The following ANO1 variants were observed in gnomAD, a reference collection of about 807,000 sequenced individuals.
The protein encoded by ANO1 is anoctamin-1.
Under a neutral mutation model 124.0 loss-of-function variants are expected in ANO1, and 59 were observed. That is an observed-to-expected ratio of 0.48 (90% CI 0.39 to 0.59). ANO1 has a LOEUF of 0.59. ANO1 is among the 20% of genes least tolerant of loss of function. The pLI is 0.00. For synonymous variants in ANO1, 529 were observed against 532.0 expected (o/e 0.99, Z 0.08); for missense variants, 1,059 against 1,328.0 (o/e 0.80, Z 3.15).
At chr11:69,990,588 C>G (rs1320215323) in intron 1 of ANO1, among the ~76,000 whole-genome samples, 2 of 152,188 alleles carry the variant, frequency 1.3e-5, no homozygotes, top group African/African-American at 4.8e-5. Context: ...AATGGCTGCA[C>G]CATTTTACAG....
At chr11:70,003,362 C>T (rs1263035263) in intron 1 of ANO1, among the ~76,000 whole-genome samples, 2 of 152,196 alleles carry the variant, frequency 1.3e-5, no homozygotes, top group Non-Finnish European at 2.9e-5. Context: ...TGTCTCCTGA[C>T]TCTGATATGG....
intron 1 of ANO1, among the ~76,000 whole-genome samples, chr11:70,053,810 C>G (rs1857390918): frequency 6.6e-6 from 1 of 152,040 alleles, no homozygotes; most frequent in Non-Finnish European, 1.5e-5. Context: ...CTCTATGTGC[C>G]TAGAGTTCTC....
chr11:70,131,895 C>G (rs1191792546), intron 10 of ANO1, 24 bp from the exon 11 acceptor site: 1 of 1,595,332 alleles, frequency 6.3e-7, no homozygotes, highest in South Asian at 1.1e-5. Flanking sequence ...CAAGGTGACT[C>G]CAGGGCTGCC....
chr11:70,163,192 C>T (rs1375475914), intron 18 of ANO1, 91 bp from the exon 19 acceptor site: 2 of 1,386,076 alleles, frequency 1.4e-6, no homozygotes, highest in African/African-American at 2.9e-5. Flanking sequence ...GCCTGCAGGA[C>T]TCACACGCTG....
In ANO1 at chr11:70,103,048, C is replaced by G. The variant is rs2045340878; in HGVS notation, c.442-18C>G. The stretch of plus-strand genomic sequence containing the variant: ...TGCACCGCCCCCCCTCAACCCAGAA[C>G]TTTCCTTCTCTCTCCAGACTAAAAT... On this transcript the variant is annotated intron_variant, in intron 2 of 25. Transcript: ENST00000355303. The G allele has an allele frequency of 3.1e-6, 5 of 1,592,748 alleles. No individual in the cohort carries two copies. Among genetic ancestry groups the G allele is most frequent in the Non-Finnish European group, 4.3e-6 (5 of 1,167,700 alleles).
intron 1 of ANO1, among the ~76,000 whole-genome samples, chr11:69,994,490 AG>A (rs1479253351): frequency 1.3e-5 from 2 of 152,130 alleles, no homozygotes; most frequent in Admixed American, 6.5e-5. Context: ...GGAGGGAGGA[AG>A]AGAGAGATTT....
chr11:70,032,989 C>T (rs562220058), intron 1 of ANO1, among the ~76,000 whole-genome samples: 1 of 152,176 alleles, frequency 6.6e-6, no homozygotes, highest in African/African-American at 2.4e-5. Context: ...GGACCAGGCA[C>T]ACGGCGTGCC....
intron 1 of ANO1, among the ~76,000 whole-genome samples, chr11:70,038,408 G>T (rs782243305): frequency 2.6e-5 from 4 of 152,180 alleles, no homozygotes; most frequent in African/African-American, 4.8e-5. Context: ...ATTGCATCAG[G>T]TTACAAAGAT....
chr11:70,105,548 G>A (rs900177883), intron 4 of ANO1, among the ~76,000 whole-genome samples, 186 bp from the exon 5 acceptor site: 23 of 152,264 alleles, frequency 1.5e-4, no homozygotes, highest in Non-Finnish European at 2.4e-4. Flanking sequence ...GCCCAGGTGC[G>A]GGGGCAGTGA....
intron 1 of ANO1, among the ~76,000 whole-genome samples, chr11:69,993,686 G>A (rs965101212): frequency 6.6e-5 from 10 of 152,138 alleles, no homozygotes; most frequent in Non-Finnish European, 1.2e-4. Context: ...TGCAGCTGGC[G>A]CCCCTTCCTG....
intron 1 of ANO1, among the ~76,000 whole-genome samples, chr11:70,048,783 G>A (rs574579701): frequency 4.0e-5 from 6 of 151,152 alleles, no homozygotes; most frequent in East Asian, 2.0e-4. Context: ...TGTGCGTGCC[G>A]GAGACCTCTC....
At chr11:70,006,943 G>A (rs1177333847) in intron 1 of ANO1, among the ~76,000 whole-genome samples, 1 of 151,848 alleles carries the variant, frequency 6.6e-6, no homozygotes, top group Non-Finnish European at 1.5e-5. Flanking sequence ...GTGCTGGGAT[G>A]ACGGGGGTGA....
intron 1 of ANO1, among the ~76,000 whole-genome samples, chr11:70,067,529 T>C (rs1252253697): frequency 6.6e-6 from 1 of 152,192 alleles, no homozygotes; most frequent in Non-Finnish European, 1.5e-5. Context: ...GGTTTCACCA[T>C]GTTGGCCAGG....
intron 1 of ANO1, among the ~76,000 whole-genome samples, chr11:70,008,662 C>G (rs77875743): frequency 4.2e-5 from 6 of 144,348 alleles, no homozygotes; most frequent in Non-Finnish European, 9.1e-5. Context: ...TTTTTTAAGG[C>G]GTGATATTTG....
chr11:70,149,755 A>T lies in ANO1; in HGVS notation c.1304A>T (p.Asn435Ile). 1.2e-6 allele frequency: 2 copies of T among 1,613,804 alleles called. No homozygotes were observed. Among genetic ancestry groups the T allele is most frequent in the Non-Finnish European group, 1.7e-6 (2 of 1,179,852 alleles). ...TGGAAGCGGAAACAGATGCGACTCAACTACCGCTGGGACCTCACGGGCTTT... is the reference window on the plus strand; with the variant it reads ...TGGAAGCGGAAACAGATGCGACTCATCTACCGCTGGGACCTCACGGGCTTT... ...EHWKRKQMRL[N>I]YRWDLTGFEE... The change falls in exon 12 of 26, where the codon AAC becomes ATC. Residue 435 changes from asparagine to isoleucine, a missense_variant. Coordinates refer to ENST00000355303, the MANE Select transcript of ANO1 (RefSeq NM_018043.7).
At chr11:70,143,532 A>G (rs894686672) in intron 11 of ANO1, among the ~76,000 whole-genome samples, 2 of 152,134 alleles carry the variant, frequency 1.3e-5, no homozygotes, top group African/African-American at 4.8e-5. Flanking sequence ...GTACTTCCAG[A>G]TGCCTGCTGG....
chr11:70,006,105 G>T (rs746959587), intron 1 of ANO1, among the ~76,000 whole-genome samples: 1 of 152,084 alleles, frequency 6.6e-6, no homozygotes, highest in African/African-American at 2.4e-5. Flanking sequence ...GACACGCTCC[G>T]GTCCCTAAAC....
chr11:70,025,304 G>A (rs1432318950), intron 1 of ANO1, among the ~76,000 whole-genome samples: 4 of 152,212 alleles, frequency 2.6e-5, no homozygotes, highest in Admixed American at 2.6e-4. Context: ...TTAGCACTAT[G>A]CCTGTTATGA....
intron 1 of ANO1, among the ~76,000 whole-genome samples, chr11:70,081,869 T>C (rs1335640465): frequency 1.3e-5 from 2 of 152,226 alleles, no homozygotes; most frequent in East Asian, 3.8e-4. Flanking sequence ...ACCTTTGTCC[T>C]TCACATTTTC....
Sources: gnomAD v4.1 joint callset for allele counts (sites outside exome capture counted in the v4.1 genomes callset) on GRCh38, gnomAD v4.1.1 for gene constraint, MANE v1.5 for transcripts, NCBI Gene and HGNC (gene_info 2026-07-23, HGNC 2026-07-21) for gene names.